The following NFATC1 variants were observed in gnomAD, a reference collection of about 807,000 sequenced individuals.
The protein encoded by NFATC1 is nuclear factor of activated T cells 1.
In NFATC1, 22 loss-of-function variants were observed where a neutral mutation model predicts 76.0. The ratio of observed to expected loss-of-function variants is 0.29; its 90% confidence interval spans 0.21 to 0.41. The LOEUF is 0.41. Among genes scored for constraint, NFATC1 ranks in the 10% least tolerant of loss-of-function variants. The probability of loss-of-function intolerance (pLI) is 1.00; values close to 1 mark genes in which losing one functional copy is unlikely to be tolerated. For synonymous variants in NFATC1, 704 were observed against 613.1 expected (o/e 1.15, Z -2.19); for missense variants, 1,357 against 1,337.7 (o/e 1.01, Z -0.23).
chr18:79,516,195 C>T (rs1469019618), intron 9 of NFATC1: 2 of 152,174 alleles, frequency 1.3e-5, no homozygotes, highest in Non-Finnish European at 2.9e-5. Flanking sequence ...CGCTCCCCAC[C>T]ACCAGCTGCG....
intron 8 of NFATC1, among the ~76,000 whole-genome samples, chr18:79,482,771 G>A (rs1600877524): frequency 7.5e-6 from 1 of 133,292 alleles, no homozygotes; most frequent in Non-Finnish European, 1.6e-5. Flanking sequence ...TTCCTGGGGT[G>A]TAATTCCAGC....
At chr18:79,462,533 A>T (rs911463541) in intron 7 of NFATC1, among the ~76,000 whole-genome samples, 6 of 151,856 alleles carry the variant, frequency 4.0e-5, no homozygotes, top group African/African-American at 1.5e-4. Context: ...GGAACTCCCA[A>T]CCTCAGGTGA....
chr18:79,507,793 C>T (rs1443797958), intron 9 of NFATC1, among the ~76,000 whole-genome samples: 3 of 152,266 alleles, frequency 2.0e-5, no homozygotes, highest in East Asian at 1.9e-4. Flanking sequence ...TGAGCGCATT[C>T]GCATCCGCAG....
chr18:79,509,385 C>T (rs1442093860), intron 9 of NFATC1, among the ~76,000 whole-genome samples: 2 of 152,244 alleles, frequency 1.3e-5, no homozygotes, highest in Non-Finnish European at 2.9e-5. Flanking sequence ...CCCAGGTCCC[C>T]CTTCACTGTA....
At chr18:79,495,541 G>T (rs955650900) in intron 9 of NFATC1, among the ~76,000 whole-genome samples, 1 of 152,226 alleles carries the variant, frequency 6.6e-6, no homozygotes, top group African/African-American at 2.4e-5. Flanking sequence ...GAGACATAGG[G>T]ACGAGGTGGA....
intron 1 of NFATC1, among the ~76,000 whole-genome samples, chr18:79,401,197 C>A (rs2085238073): frequency 6.7e-6 from 1 of 150,374 alleles, no homozygotes; most frequent in African/African-American, 2.4e-5. Flanking sequence ...CTGTCCAGGT[C>A]ACCCCAGGCT....
chr18:79,456,452 G>A (rs943797063), intron 6 of NFATC1, among the ~76,000 whole-genome samples: 6 of 152,180 alleles, frequency 3.9e-5, no homozygotes, highest in Non-Finnish European at 7.4e-5. Flanking sequence ...AGGGTGTCGC[G>A]GAAGCCCCGA....
intron 9 of NFATC1, among the ~76,000 whole-genome samples, chr18:79,490,091 C>T (rs992428311): frequency 5.4e-5 from 7 of 130,406 alleles, no homozygotes; most frequent in Non-Finnish European, 1.3e-4. Context: ...CCTGATCTCC[C>T]CCCCGCCCCC....
chr18:79,469,609 G>A (rs1331840533), intron 8 of NFATC1: 1 of 985,840 alleles, frequency 1.0e-6, no homozygotes, highest in Non-Finnish European at 1.2e-6. Context: ...CATCTCTCCT[G>A]CACCCCCTGC....
intron 8 of NFATC1, among the ~76,000 whole-genome samples, chr18:79,475,237 TCTCACG>T (rs1426710521): frequency 6.7e-6 from 1 of 149,034 alleles, no homozygotes; most frequent in Non-Finnish European, 1.5e-5. Flanking sequence ...GGAAGTGTGT[TCTCACG>T]CTCACCGTCG....
chr18:79,490,656 C>A (rs2145085163), intron 9 of NFATC1, among the ~76,000 whole-genome samples: 1 of 152,308 alleles, frequency 6.6e-6, no homozygotes, highest in East Asian at 1.9e-4. Flanking sequence ...GGAGCCTTCA[C>A]TGAGAATGAC....
intron 9 of NFATC1, among the ~76,000 whole-genome samples, chr18:79,487,783 G>C (rs146663838): frequency 1.2e-3 from 178 of 152,268 alleles, no homozygotes; most frequent in Non-Finnish European, 2.1e-3. Context: ...GGGTGATTCC[G>C]CTCGTGTTTT....
At chr18:79,435,813 G>A (rs11664153) in intron 3 of NFATC1, among the ~76,000 whole-genome samples, 15,831 of 152,260 alleles carry the variant, frequency 0.1, 1,100 homozygotes, top group Non-Finnish European at 0.15. Flanking sequence ...GCAGCGACAC[G>A]GGAGAGGCTG....
intron 9 of NFATC1, among the ~76,000 whole-genome samples, chr18:79,521,492 A>G (rs1244429329): frequency 9.1e-5 from 5 of 54,974 alleles, no homozygotes; most frequent in East Asian, 1.5e-3. Flanking sequence ...GGGGGCATCC[A>G]CTGATGTGTG....
At chr18:79,494,942 AC>A (rs1331736520) in intron 9 of NFATC1, among the ~76,000 whole-genome samples, 3 of 149,832 alleles carry the variant, frequency 2.0e-5, no homozygotes, top group Non-Finnish European at 4.4e-5. Flanking sequence ...CCCCCCATCA[AC>A]CTGGTACGGC....
At chr18:79,440,044 G>A (rs1174685527) in intron 3 of NFATC1, among the ~76,000 whole-genome samples, 1 of 152,204 alleles carries the variant, frequency 6.6e-6, no homozygotes, top group African/African-American at 2.4e-5. Flanking sequence ...CAGCTCCACT[G>A]CCTGGAAAAA....
chr18:79,434,620 T>G (rs1250965283), intron 3 of NFATC1, among the ~76,000 whole-genome samples: 1 of 152,256 alleles, frequency 6.6e-6, no homozygotes, highest in African/African-American at 2.4e-5. Flanking sequence ...AGAGGATGTT[T>G]TCCGAGCACA....
intron 2 of NFATC1, among the ~76,000 whole-genome samples, chr18:79,432,766 C>T (rs1441945045): frequency 1.3e-5 from 2 of 152,222 alleles, no homozygotes; most frequent in African/African-American, 4.8e-5. Flanking sequence ...TTGAGACAGT[C>T]TGCCTGGGCC....
intron 6 of NFATC1, among the ~76,000 whole-genome samples, chr18:79,453,713 T>C (rs11874890): frequency 0.013 from 2,035 of 152,304 alleles, 50 homozygotes; most frequent in African/African-American, 0.047. Context: ...AATGAATAGG[T>C]GCTGTGCTCG....
Sources: allele counts gnomAD v4.1 joint callset (sites outside exome capture counted in the v4.1 genomes callset), GRCh38; gene constraint gnomAD v4.1.1; transcripts MANE v1.5; gene names NCBI Gene and HGNC (gene_info 2026-07-23, HGNC 2026-07-21).